Variants in FGF12 observed in about 807,000 individuals in gnomAD.
The protein encoded by FGF12 is fibroblast growth factor 12, also known as fibroblast growth factor 12B.
Under a neutral mutation model 23.6 loss-of-function variants are expected in FGF12, and 14 were observed. The ratio of observed to expected loss-of-function variants is 0.59; its 90% CI spans 0.39 to 0.93. The LOEUF (loss-of-function observed/expected upper bound fraction) is 0.93, where lower values mean the gene tolerates loss of function less well. FGF12 is among the 40% of genes least tolerant of loss of function. The pLI is 0.00. For missense variants in FGF12, 175 were observed against 217.8 expected (o/e 0.80, Z 1.24); for synonymous variants, 62 against 77.3 (o/e 0.80, Z 1.04).
At chr3:192,481,598 T>C (rs765175093) in intron 2 of FGF12, among the ~76,000 whole-genome samples, 2 of 152,164 alleles carry the variant, frequency 1.3e-5, no homozygotes, top group Non-Finnish European at 2.9e-5. Flanking sequence ...TGCTGAGTAG[T>C]GTAAGTTTGC....
intron 2 of FGF12, among the ~76,000 whole-genome samples, chr3:192,465,108 G>C (rs1484674584): frequency 6.6e-6 from 1 of 151,922 alleles, no homozygotes; most frequent in Non-Finnish European, 1.5e-5. Context: ...ATCTAAATTG[G>C]GGCAGATTAA....
chr3:192,178,051 A>G (rs1158214998), intron 4 of FGF12, among the ~76,000 whole-genome samples: 2 of 152,214 alleles, frequency 1.3e-5, no homozygotes, highest in Non-Finnish European at 2.9e-5. Flanking sequence ...TAATTTGGTG[A>G]AAATACATCA....
Position 192,586,103 on chromosome 3 carries a change from C to T in FGF12, c.13+141078G>A, listed in dbSNP as rs78830420. ...AAGTGTACATGTGAAAGCCACCATA[C>T]ACAAACTGAATAAAAAGGTATGAGT... On this transcript the variant is annotated intron_variant, in intron 2 of 5. Coordinates refer to ENST00000445105, the MANE Select transcript of FGF12 (RefSeq NM_004113.6). Among the ~76,000 whole-genome samples the T allele has an allele frequency of 3.5e-3, 536 of 152,218 alleles. 25 individuals are homozygous for T. In the East Asian group the frequency reaches 0.087, roughly 25 times the overall value.
intron 2 of FGF12, among the ~76,000 whole-genome samples, chr3:192,707,711 A>G (rs1718516960): frequency 8.0e-6 from 1 of 125,090 alleles, no homozygotes; most frequent in African/African-American, 3.2e-5. Flanking sequence ...GTGCCACTGC[A>G]CACTAGCCTG....
chr3:192,413,076 T>G (rs1371030224), intron 2 of FGF12, among the ~76,000 whole-genome samples: 1 of 152,346 alleles, frequency 6.6e-6, no homozygotes, highest in East Asian at 1.9e-4. Flanking sequence ...TCTATGTTTT[T>G]GGGCTCTAGT....
intron 4 of FGF12, among the ~76,000 whole-genome samples, chr3:192,276,946 G>A (rs1297488783): frequency 3.9e-5 from 6 of 152,222 alleles, no homozygotes; most frequent in Middle Eastern, 3.4e-3. Flanking sequence ...AATCATATTC[G>A]TTTTGTCCAA....
intron 2 of FGF12, among the ~76,000 whole-genome samples, chr3:192,725,428 T>C (rs1358086117): frequency 6.6e-6 from 1 of 152,202 alleles, no homozygotes; most frequent in Non-Finnish European, 1.5e-5. Flanking sequence ...ACTTCTGAAC[T>C]GATTCTTTTC....
rs187976905 is a variant in FGF12 at position 192,329,110 on chromosome 3, T to C, written c.228+6251A>G. On this transcript the variant is annotated intron_variant, in intron 4 of 5. Transcript: ENST00000445105. ...TTACCAGGGAATGTGTTTAATGCTG[T>C]GGTTGGGCCAAATATGTGGCCCAGA... 2.0e-5 allele frequency among the ~76,000 whole-genome samples: 3 copies of C among 152,334 alleles called. No homozygotes were observed. The East Asian group carries it at 5.8e-4, about 29-fold the overall frequency.
At chr3:192,281,443 T>C (rs531706964) in intron 4 of FGF12, among the ~76,000 whole-genome samples, 9 of 152,252 alleles carry the variant, frequency 5.9e-5, no homozygotes, top group African/African-American at 1.9e-4. Context: ...TAATTATATA[T>C]GTAGAAAGCC....
intron 2 of FGF12, among the ~76,000 whole-genome samples, chr3:192,710,841 T>C (rs1381466424): frequency 6.6e-6 from 1 of 152,184 alleles, no homozygotes; most frequent in Non-Finnish European, 1.5e-5. Flanking sequence ...TAAGTGAACA[T>C]TTCTACGGAT....
chr3:192,683,842 C>T (rs1717632692), intron 2 of FGF12, among the ~76,000 whole-genome samples: 1 of 152,188 alleles, frequency 6.6e-6, no homozygotes, highest in South Asian at 2.1e-4. Context: ...TGAGCCAAAA[C>T]AGACTTAGGA....
chr3:192,241,244 T>C (rs191996508), intron 4 of FGF12, among the ~76,000 whole-genome samples: 2 of 152,302 alleles, frequency 1.3e-5, no homozygotes, highest in East Asian at 1.9e-4. Flanking sequence ...TGTTGAACAA[T>C]GATTTAAACA....
chr3:192,569,348 T>C (rs577956989), intron 2 of FGF12, among the ~76,000 whole-genome samples: 1 of 152,340 alleles, frequency 6.6e-6, no homozygotes, highest in South Asian at 2.1e-4. Context: ...TTTGAGTCAT[T>C]CCTCAGGACA....
chr3:192,649,526 A>G (rs949345791), intron 2 of FGF12, among the ~76,000 whole-genome samples: 4 of 152,240 alleles, frequency 2.6e-5, no homozygotes, highest in African/African-American at 9.6e-5. Context: ...TACTAAAATT[A>G]CACTGAAATA....
In FGF12 at chr3:192,616,776, TCTG is replaced by T. The variant is rs376804742; in HGVS notation, c.13+110402_13+110404del. Reference sequence around the variant, plus strand: ...ATGAGAATGTCCTGTGTTGTTATTCTCTGCCTTCTGCTATCTCCTGCTTGTGAT... The same window carrying T: ...ATGAGAATGTCCTGTGTTGTTATTCTCCTTCTGCTATCTCCTGCTTGTGAT... On this transcript the variant is annotated intron_variant, in intron 2 of 5. Coordinates refer to ENST00000445105, the MANE Select transcript of FGF12 (RefSeq NM_004113.6). Among the ~76,000 whole-genome samples the T allele has an allele frequency of 5.5e-4, 83 of 151,980 alleles. 1 individual carries two copies. The highest frequency in any genetic ancestry group is 1.9e-3 in the African/African-American group (79 of 41,512).
intron 2 of FGF12, among the ~76,000 whole-genome samples, chr3:192,367,543 C>T (rs1033812434): frequency 6.6e-6 from 1 of 152,064 alleles, no homozygotes; most frequent in African/African-American, 2.4e-5. Flanking sequence ...AACCAAAGTC[C>T]CAGGCAAATC....
chr3:192,608,889 A>T (rs4687347), intron 2 of FGF12, among the ~76,000 whole-genome samples: 12,617 of 152,174 alleles, frequency 0.083, 935 homozygotes, highest in East Asian at 0.34. Flanking sequence ...AATGCAGAAG[A>T]AGTGCATGGT....
At chr3:192,600,109 T>A (rs565935119) in intron 2 of FGF12, among the ~76,000 whole-genome samples, 11 of 152,102 alleles carry the variant, frequency 7.2e-5, no homozygotes, top group Non-Finnish European at 1.5e-4. Context: ...TGCATATAGT[T>A]ATCCTGTTTT....
chr3:192,199,956 CT>C (rs929257542), intron 4 of FGF12, among the ~76,000 whole-genome samples: 3 of 152,078 alleles, frequency 2.0e-5, no homozygotes, highest in African/African-American at 7.2e-5. Context: ...AAGTCGATTT[CT>C]TAGAGATGAA....
Sources: allele counts gnomAD v4.1 joint callset (sites outside exome capture counted in the v4.1 genomes callset), GRCh38; gene constraint gnomAD v4.1.1; transcripts MANE v1.5; gene names NCBI Gene and HGNC (gene_info 2026-07-23, HGNC 2026-07-21).